The following RRM2 variants were observed in gnomAD, a reference collection of about 807,000 sequenced individuals.
RRM2 encodes the protein ribonucleoside-diphosphate reductase subunit M2.
In RRM2, 6 loss-of-function variants were observed where a neutral mutation model predicts 45.9. That is an observed-to-expected ratio of 0.13 (90% CI 0.07 to 0.26). The LOEUF (loss-of-function observed/expected upper bound fraction) is 0.26, where lower values mean the gene tolerates loss of function less well. Among genes scored for constraint, RRM2 ranks in the 10% least tolerant of loss-of-function variants. The pLI is 1.00. For synonymous variants in RRM2, 177 were observed against 173.0 expected, an observed-to-expected ratio of 1.02 and a Z score of -0.18; for missense variants, 343 against 489.5, an observed-to-expected ratio of 0.70 and a Z score of 2.82.
intron 4 of RRM2, 104 bp from the exon 5 acceptor site, chr2:10,124,613 A>G (rs926260095): frequency 5.6e-5 from 71 of 1,270,338 alleles, no homozygotes; most frequent in Admixed American, 1.1e-4. Flanking sequence ...ATATATAGAA[A>G]TAAACCTTAT....
At chr2:10,210,552 C>CGGAGCA (rs755479867) in exon 4 of RRM2, 1 of 1,366,736 alleles carries the variant, frequency 7.3e-7, no homozygotes, top group African/African-American at 1.5e-5. Context: ...CACAGGCCTG[C>CGGAGCA]GGAGCAGGTG....
intron 3 of RRM2, among the ~76,000 whole-genome samples, chr2:10,145,219 G>T (rs1408988967): frequency 6.6e-6 from 1 of 152,188 alleles, no homozygotes; most frequent in Admixed American, 6.5e-5. Context: ...TGGGTAGACA[G>T]GGGCCAGGTC....
intron 3 of RRM2, among the ~76,000 whole-genome samples, chr2:10,173,340 A>G (rs532112557): frequency 7.2e-4 from 109 of 152,102 alleles, no homozygotes; most frequent in Middle Eastern, 6.8e-3. Flanking sequence ...TTCTCCCCCA[A>G]TGGCATCCCA....
intron 3 of RRM2, among the ~76,000 whole-genome samples, chr2:10,182,404 CTA>C (rs1198936432): frequency 6.6e-6 from 1 of 152,032 alleles, no homozygotes; most frequent in Non-Finnish European, 1.5e-5. Flanking sequence ...AAAAACAAAA[CTA>C]TGAACTAGGT....
rs761101278 is a variant in RRM2, at chr2:10,128,932, A to C, written c.883A>C (p.Asn295His). ...GGAGAGAGTAAGAGAAATAATTATC[A>C]ATGCTGTTCGGATAGAACAGGTAAA... is the stretch of plus-strand genomic sequence containing the variant. ...SEERVREIII[N>H]AVRIEQEFLT... Residue 295 changes from asparagine (N) to histidine (H), a missense_variant, in exon 8 of 10, where the codon AAT becomes CAT. Physicochemically the swap from Asn to His is moderately conservative, Grantham distance 68 (BLOSUM62 1). This residue lies in a region of RRM2 where 212 missense variants were observed against 368.1 expected (regional missense o/e 0.58). Coordinates refer to ENST00000304567, the MANE Select transcript of RRM2 (RefSeq NM_001034.4). 5.6e-6 allele frequency: 9 copies of C among 1,613,976 alleles called. No homozygotes were observed. The highest frequency in any genetic ancestry group is 1.3e-5 in the African/African-American group (1 of 75,038).
intron 3 of RRM2, among the ~76,000 whole-genome samples, chr2:10,180,777 T>G (rs896572093): frequency 6.7e-6 from 1 of 149,402 alleles, no homozygotes; most frequent in African/African-American, 2.5e-5. Flanking sequence ...TTATTTATTT[T>G]TTTGAGATGA....
intron 2 of RRM2, 131 bp downstream of exon 2, chr2:10,123,188 G>A: frequency 7.7e-7 from 1 of 1,294,300 alleles, no homozygotes; most frequent in Non-Finnish European, 1.0e-6. Context: ...CCTCCCCAGG[G>A]CTGCCTCCCG....
In RRM2 at chr2:10,172,727, C is replaced by T. The variant is rs1215088575; in HGVS notation, n.482+30352C>T. 1.3e-5 allele frequency among the ~76,000 whole-genome samples: 2 copies of T among 152,176 alleles called. No homozygotes were observed. Among genetic ancestry groups the T allele is most frequent in the Non-Finnish European group, 2.9e-5 (2 of 68,030 alleles). Reference sequence around the variant, plus strand: ...AAGGGAGGGGCTGGGTGTGTTGTTGCTGCACCCAGGACTGCCCACATCAGT... The same window carrying T: ...AAGGGAGGGGCTGGGTGTGTTGTTGTTGCACCCAGGACTGCCCACATCAGT... On this transcript the variant is annotated intron_variant and non_coding_transcript_variant, in intron 3 of 3. Coordinates refer to the RRM2 transcript ENST00000381786. This position sits in a 1 kb window ranked among gnomAD's most constrained non-coding sequence, Gnocchi z 4.9.
At chr2:10,192,187 T>C (rs1030949061) in intron 3 of RRM2, among the ~76,000 whole-genome samples, 8 of 152,184 alleles carry the variant, frequency 5.3e-5, no homozygotes, top group Middle Eastern at 3.2e-3. Context: ...AGGTAAAAGC[T>C]GTTCAGCCAA....
chr2:10,152,556 C>T (rs1250406954), intron 3 of RRM2, among the ~76,000 whole-genome samples: 1 of 150,716 alleles, frequency 6.6e-6, no homozygotes, highest in Non-Finnish European at 1.5e-5. Flanking sequence ...GATCTTGGCT[C>T]ATTGCAGCTT....
intron 3 of RRM2, among the ~76,000 whole-genome samples, chr2:10,157,039 T>TTG (rs1403880457): frequency 6.8e-6 from 1 of 147,236 alleles, no homozygotes; most frequent in African/African-American, 2.5e-5. Flanking sequence ...TTTTTTTTTT[T>TTG]GAGATGGAGT....
chr2:10,160,576 T>A (rs1352280756), intron 3 of RRM2, among the ~76,000 whole-genome samples: 1 of 152,198 alleles, frequency 6.6e-6, no homozygotes, highest in Non-Finnish European at 1.5e-5. Flanking sequence ...GGTTCCCTCA[T>A]GCCCAGCTCC....
Position 10,184,360 on chromosome 2 carries a change from T to C in RRM2, n.483-25951T>C, listed in dbSNP as rs564620302. Reference sequence around the variant, plus strand: ...TTCCTTCCCTTCCGATATTCCTCTTTACTAAAAATTTGCGTAGCCAACTCT... The same window carrying C: ...TTCCTTCCCTTCCGATATTCCTCTTCACTAAAAATTTGCGTAGCCAACTCT... On this transcript the variant is annotated intron_variant and non_coding_transcript_variant, in intron 3 of 3. Coordinates refer to the RRM2 transcript ENST00000381786. Among the ~76,000 whole-genome samples, 196 of 152,360 alleles carry C rather than the reference T, an allele frequency of 1.3e-3. 1 individual carries two copies. Among genetic ancestry groups the C allele is most frequent in the African/African-American group, 4.5e-3 (186 of 41,594 alleles).
At chr2:10,199,293 G>GGT (rs1553329261) in intron 3 of RRM2, 3 of 135,762 alleles carry the variant, frequency 2.2e-5, no homozygotes, top group African/African-American at 8.0e-5. Context: ...AAAAAAGGGG[G>GGT]GGGGGAAGGA....
In RRM2 at chr2:10,126,811, C is replaced by T. The variant is rs1662788107; in HGVS notation, c.570-64C>T. On this transcript the variant is annotated intron_variant, in intron 5 of 9. Coordinates refer to ENST00000304567, the MANE Select transcript of RRM2 (RefSeq NM_001034.4). ...CCTTTGTCCCAGAGCTCTTATCTAG[C>T]AGTTGGTAATCGGAGGTCTTTTACT... is the stretch of plus-strand genomic sequence containing the variant. 2.5e-6 allele frequency: 3 copies of T among 1,219,308 alleles called. No homozygotes were observed. The African/African-American group carries it at 4.5e-5, about 18-fold the overall frequency. 75.5% of individuals were successfully genotyped at this position (1,219,308 alleles called of 1,614,324 possible). A position where few individuals can be genotyped will look rare whatever the true frequency, so the allele number is the denominator to read the frequency against.
chr2:10,194,947 C>T (rs1172767813), intron 3 of RRM2, among the ~76,000 whole-genome samples: 4 of 152,214 alleles, frequency 2.6e-5, no homozygotes, highest in Non-Finnish European at 4.4e-5. Flanking sequence ...TCGGCGTCTC[C>T]GTTCTCAGCG....
At chr2:10,165,313 C>T (rs1284647614) in intron 3 of RRM2, among the ~76,000 whole-genome samples, 1 of 152,226 alleles carries the variant, frequency 6.6e-6, no homozygotes, top group Non-Finnish European at 1.5e-5. Flanking sequence ...AAACACGTTT[C>T]CCTTTGGGCA....
At chr2:10,132,476 C>G (rs553022429), downstream of RRM2, among the ~76,000 whole-genome samples, 5 of 152,066 alleles carry the variant, frequency 3.3e-5, no homozygotes, top group African/African-American at 1.2e-4. Flanking sequence ...GCTTCCGACT[C>G]CTGTGTTCTC....
At chr2:10,203,675 C>T (rs906627455) in intron 3 of RRM2, among the ~76,000 whole-genome samples, 4 of 152,042 alleles carry the variant, frequency 2.6e-5, no homozygotes, top group East Asian at 1.9e-4. Flanking sequence ...AACTTGAACC[C>T]GGGAGGCGGA....
Sources: gnomAD v4.1 joint callset for allele counts (sites outside exome capture counted in the v4.1 genomes callset) on GRCh38, gnomAD v4.1.1 for gene constraint, gnomAD v4.1.1 regional missense constraint, Gnocchi (gnomAD v3.1) non-coding constraint, MANE v1.5 for transcripts, NCBI Gene and HGNC (gene_info 2026-07-23, HGNC 2026-07-21) for gene names.